Variants in KCNMB3 observed in about 807,000 individuals in gnomAD.
KCNMB3 encodes potassium calcium-activated channel subfamily M regulatory beta subunit 3.
Under a neutral mutation model 11.9 loss-of-function variants are expected in KCNMB3, and 18 were observed. The ratio of observed to expected loss-of-function variants is 1.51; its 90% CI spans 1.04 to 2.23. KCNMB3 has a LOEUF of 2.23. KCNMB3 is among the 30% of genes most tolerant of loss of function. KCNMB3 has a pLI of 0.00. For synonymous variants in KCNMB3, 78 were observed against 119.2 expected (o/e 0.65, Z 2.25); for missense variants, 247 against 329.4 (o/e 0.75, Z 1.94).
intron 1 of KCNMB3, among the ~76,000 whole-genome samples, chr3:179,263,776 CT>C (rs1726294562): frequency 8.2e-6 from 1 of 121,326 alleles, no homozygotes; most frequent in Non-Finnish European, 1.8e-5. Flanking sequence ...TTTTTTGTTT[CT>C]GTTTTGTTTT....
chr3:179,250,975 A>T lies in KCNMB3; in HGVS notation c.16T>A (p.Tyr6Asn). Residue 6 changes from tyrosine (Y) to asparagine (N), a missense_variant, in exon 1 of 3, where the codon TAT becomes AAT. Coordinates refer to ENST00000392685, the MANE Select transcript of KCNMB3 (RefSeq NM_171830.2). Reference sequence around the variant, plus strand: ...GAAGGAGATACTGCAGTGAGCTCATAAAGAAGGGGGAACATTTCCAATCCA... The same window carrying T: ...GAAGGAGATACTGCAGTGAGCTCATTAAGAAGGGGGAACATTTCCAATCCA... MFPLL[Y>N]ELTAVSPSPF... 1 of 1,614,180 alleles carries T rather than the reference A, an allele frequency of 6.2e-7. No homozygotes were observed.
At position 179,242,817 on chromosome 3, in the gene KCNMB3, T is replaced by C. The variant is rs1267831376; in HGVS notation, c.*87A>G. 2.7e-6 allele frequency: 4 copies of C among 1,481,166 alleles called. No homozygotes were observed. In the African/African-American group the frequency reaches 5.6e-5, roughly 21 times the overall value. 91.8% of individuals were successfully genotyped at this position (1,481,166 alleles called of 1,614,324 possible). A position where few individuals can be genotyped will look rare whatever the true frequency, so the allele number is the denominator to read the frequency against. Reference sequence around the variant, plus strand: ...GATACTTTAATTATTACCTTTTACATTATTAGTTTGCAGACAGGCATAATT... The same window carrying C: ...GATACTTTAATTATTACCTTTTACACTATTAGTTTGCAGACAGGCATAATT... On this transcript the variant is annotated 3_prime_UTR_variant, in exon 3 of 3. Transcript: ENST00000392685.
chr3:179,260,100 T>C, intron 1 of KCNMB3: 2 of 1,607,338 alleles, frequency 1.2e-6, no homozygotes, highest in Admixed American at 3.3e-5. Context: ...ATAAACTGTG[T>C]CATCACTATG....
At chr3:179,245,257 C>A (rs535928445) in intron 1 of KCNMB3, among the ~76,000 whole-genome samples, 1 of 151,940 alleles carries the variant, frequency 6.6e-6, no homozygotes, top group Non-Finnish European at 1.5e-5. Context: ...AGGAGTCTAA[C>A]TACAGGGCCG....
downstream of KCNMB3, chr3:179,240,978 CACA>C (rs2108435619): frequency 6.6e-6 from 1 of 152,152 alleles, no homozygotes; most frequent in Admixed American, 6.5e-5. Flanking sequence ...AATAGTTTAC[CACA>C]ACCTTTTAAA....
intron 1 of KCNMB3, among the ~76,000 whole-genome samples, chr3:179,261,509 G>T (rs933460362): frequency 1.3e-5 from 2 of 151,966 alleles, no homozygotes; most frequent in Non-Finnish European, 2.9e-5. Flanking sequence ...GGCTGAGCCT[G>T]GCCGGGGGTG....
chr3:179,263,800 C>CTTTTTTTTTTTTTTTTTTTTTT (rs60270913), intron 1 of KCNMB3, among the ~76,000 whole-genome samples: 1 of 59,968 alleles, frequency 1.7e-5, no homozygotes, highest in Non-Finnish European at 2.9e-5. Flanking sequence ...TTTTTCTTTT[C>CTTTTTTTTTTTTTTTTTTTTTT]TTTTTTTTTT....
intron 1 of KCNMB3, among the ~76,000 whole-genome samples, chr3:179,262,408 T>TC: frequency 6.6e-6 from 1 of 152,156 alleles, no homozygotes; most frequent in Non-Finnish European, 1.5e-5. Context: ...TCCCGATGGG[T>TC]TCGTGGTCTC....
chr3:179,261,266 C>T (rs999956054), intron 1 of KCNMB3: 460 of 1,298,492 alleles, frequency 3.5e-4, no homozygotes, highest in Non-Finnish European at 4.4e-4. Flanking sequence ...GGCCGCGGGG[C>T]TGGTCAACCT....
At chr3:179,240,661 T>C (rs1725431528), downstream of KCNMB3, 1 of 152,208 alleles carries the variant, frequency 6.6e-6, no homozygotes, top group Admixed American at 6.5e-5. Flanking sequence ...TTGAATTGAC[T>C]TTGTTCTCCA....
chr3:179,246,412 A>C lies in KCNMB3; in HGVS notation c.249-1719T>G, dbSNP rs551246754. On this transcript the variant is annotated intron_variant, in intron 1 of 2. Coordinates refer to ENST00000392685, the MANE Select transcript of KCNMB3 (RefSeq NM_171830.2). ...GGGCAACAGAGGCCGACTCTGTCCC[A>C]AAAAAAAAAAAGTAAGAATGTTCGA... Among the ~76,000 whole-genome samples the C allele has an allele frequency of 7.5e-5, 11 of 145,794 alleles. No individual in the cohort carries two copies. The South Asian group carries it at 1.1e-3, about 14-fold the overall frequency.
At chr3:179,257,106 A>G (rs1487347279) in intron 1 of KCNMB3, among the ~76,000 whole-genome samples, 1 of 152,166 alleles carries the variant, frequency 6.6e-6, no homozygotes. Context: ...TGAGGCTGCA[A>G]TAAGCTTGAT....
chr3:179,256,068 G>GA (rs1726001500), upstream of KCNMB3, among the ~76,000 whole-genome samples: 2 of 152,234 alleles, frequency 1.3e-5, no homozygotes, highest in South Asian at 2.1e-4. Flanking sequence ...AAGGCAGAAC[G>GA]AAAAAAATCC....
At chr3:179,245,516 G>GC (rs1553828086) in intron 1 of KCNMB3, among the ~76,000 whole-genome samples, 1 of 140,276 alleles carries the variant, frequency 7.1e-6, no homozygotes. Flanking sequence ...AATTTTTTTG[G>GC]GGGGGGGGAT....
At chr3:179,256,227 G>T (rs531693857), upstream of KCNMB3, among the ~76,000 whole-genome samples, 1 of 152,222 alleles carries the variant, frequency 6.6e-6, no homozygotes, top group Non-Finnish European at 1.5e-5. Context: ...CCTGACGTCA[G>T]GAGTTCCAGA....
intron 1 of KCNMB3, chr3:179,259,984 C>T (rs1452718637): frequency 1.2e-5 from 19 of 1,612,838 alleles, no homozygotes; most frequent in African/African-American, 5.3e-5. Context: ...TGCACTGGAA[C>T]CTCCTTGGGC....
intron 1 of KCNMB3, among the ~76,000 whole-genome samples, chr3:179,249,891 G>A (rs545994255): frequency 6.6e-6 from 1 of 152,156 alleles, no homozygotes; most frequent in Non-Finnish European, 1.5e-5. Context: ...AGTGGAGTAG[G>A]GGGAGGGAGA....
intron 1 of KCNMB3, among the ~76,000 whole-genome samples, chr3:179,245,285 C>CACAATTTCTGGCAACAAGGT (rs1725597462): frequency 6.6e-6 from 1 of 152,136 alleles, no homozygotes; most frequent in Admixed American, 6.5e-5. Context: ...ACATAGCCTA[C>CACAATTTCTGGCAACAAGGT]ACAATTTCTG....
At chr3:179,262,259 T>C (rs899542632) in intron 1 of KCNMB3, among the ~76,000 whole-genome samples, 1 of 152,244 alleles carries the variant, frequency 6.6e-6, no homozygotes, top group Non-Finnish European at 1.5e-5. Flanking sequence ...TATATTATTC[T>C]CAAGCATGTA....
Sources: allele counts gnomAD v4.1 joint callset (sites outside exome capture counted in the v4.1 genomes callset), GRCh38; gene constraint gnomAD v4.1.1; transcripts MANE v1.5; gene names NCBI Gene and HGNC (gene_info 2026-07-23, HGNC 2026-07-21).